Variants in SYT11 observed in about 807,000 individuals in gnomAD.
SYT11 encodes synaptotagmin 11, also known as synaptotagmin-11.
A neutral mutation model predicts 30.4 loss-of-function variants in SYT11; 12 were observed. The ratio of observed to expected loss-of-function variants is 0.39; its 90% CI spans 0.25 to 0.64. The LOEUF (loss-of-function observed/expected upper bound fraction) is 0.64. SYT11 is among the 30% of genes least tolerant of loss of function. SYT11 has a pLI of 0.45. For missense variants in SYT11, 412 were observed against 552.0 expected (o/e 0.75, Z 2.54); for synonymous variants, 204 against 216.0 (o/e 0.94, Z 0.49).
intron 1 of SYT11, 49 bp from the exon 2 acceptor site, chr1:155,867,916 A>AG (rs779108256): frequency 7.1e-7 from 1 of 1,401,550 alleles, no homozygotes; most frequent in Non-Finnish European, 9.8e-7. Context: ...AGATCTAGAC[A>AG]GGAGGTGAAG....
At chr1:155,880,814 T>C (rs886795018) in intron 3 of SYT11, among the ~76,000 whole-genome samples, 191 bp downstream of exon 3, 8 of 152,196 alleles carry the variant, frequency 5.3e-5, no homozygotes, top group Non-Finnish European at 8.8e-5. Flanking sequence ...GATTCTTCAG[T>C]TGAACAAATG....
At chr1:155,867,221 C>CTAATTTTTTATATTTTTAGTAGAGA (rs1672696719) in intron 1 of SYT11, among the ~76,000 whole-genome samples, 1 of 152,072 alleles carries the variant, frequency 6.6e-6, no homozygotes, top group African/African-American at 2.4e-5. Flanking sequence ...CCACGCCCAG[C>CTAATTTTTTATATTTTTAGTAGAGA]TAATTTTTTA....
intron 2 of SYT11, among the ~76,000 whole-genome samples, chr1:155,880,191 C>CA (rs1174106526): frequency 4.0e-5 from 6 of 150,290 alleles, no homozygotes; most frequent in East Asian, 3.9e-4. Flanking sequence ...GAACCTGTCT[C>CA]AAAAAAAAAG....
intron 2 of SYT11, among the ~76,000 whole-genome samples, chr1:155,869,904 C>T (rs1672754716): frequency 6.6e-6 from 1 of 152,222 alleles, no homozygotes. Flanking sequence ...CACGACTTTA[C>T]TCTCCAGCTT....
chr1:155,880,148 C>T (rs1281922059), intron 2 of SYT11, among the ~76,000 whole-genome samples: 2 of 152,014 alleles, frequency 1.3e-5, no homozygotes, highest in South Asian at 2.1e-4. Flanking sequence ...GCCAAGATCA[C>T]GTCACTGAAT....
chr1:155,879,737 C>G (rs1165413554), intron 2 of SYT11, among the ~76,000 whole-genome samples: 1 of 152,244 alleles, frequency 6.6e-6, no homozygotes, highest in Non-Finnish European at 1.5e-5. Context: ...AGAGGATGCA[C>G]TTCTATAGTG....
chr1:155,872,457 C>T (rs770273427), intron 2 of SYT11, among the ~76,000 whole-genome samples: 4 of 152,192 alleles, frequency 2.6e-5, no homozygotes, highest in Non-Finnish European at 4.4e-5. Flanking sequence ...CTATCCCTTG[C>T]CTAAGTATTA....
rs556002077 is a variant in SYT11 at position 155,881,164 on chromosome 1, G to A, written c.986-34G>A. The A allele has an allele frequency of 2.3e-5, 36 of 1,590,166 alleles. No individual in the cohort carries two copies. In the African/African-American group the frequency reaches 4.3e-4, roughly 19 times the overall value. Reference sequence around the variant, plus strand: ...TAGGAGAGGACTGTGTCATAGGTCTGTCTCCCTTTTTCTTATCTCTTTGGG... The same window carrying A: ...TAGGAGAGGACTGTGTCATAGGTCTATCTCCCTTTTTCTTATCTCTTTGGG... On this transcript the variant is annotated intron_variant, in intron 3 of 3. Coordinates refer to ENST00000368324, the MANE Select transcript of SYT11 (RefSeq NM_152280.5).
At chr1:155,876,964 C>CTTT in intron 2 of SYT11, among the ~76,000 whole-genome samples, 1 of 117,022 alleles carries the variant, frequency 8.5e-6, no homozygotes, top group Non-Finnish European at 1.8e-5. Context: ...TTTTCTATTT[C>CTTT]TTTTTTTTTT....
At chr1:155,870,408 T>C (rs1430503119) in intron 2 of SYT11, among the ~76,000 whole-genome samples, 2 of 152,224 alleles carry the variant, frequency 1.3e-5, no homozygotes, top group African/African-American at 2.4e-5. Context: ...TAGTCAAGTT[T>C]GATACCTGGG....
intron 2 of SYT11, among the ~76,000 whole-genome samples, chr1:155,879,136 G>A (rs1672920374): frequency 6.6e-6 from 1 of 152,114 alleles, no homozygotes; most frequent in Non-Finnish European, 1.5e-5. Flanking sequence ...TCTTGGAGGG[G>A]CCAGGCACGG....
At chr1:155,863,095 C>T (rs958128656) in intron 1 of SYT11, among the ~76,000 whole-genome samples, 4 of 152,086 alleles carry the variant, frequency 2.6e-5, no homozygotes, top group African/African-American at 7.2e-5. Context: ...TATTATTATT[C>T]GGTATGGATA....
At position 155,881,510 on chromosome 1, in the gene SYT11, C is replaced by A; in HGVS notation, c.*2C>A. The A allele has an allele frequency of 6.3e-7, 1 of 1,590,212 alleles. No homozygotes were observed. The highest frequency in any genetic ancestry group is 8.6e-7 in the Non-Finnish European group (1 of 1,163,620). ...TGGCACAGTCTGAGCGAGTACTAAT[C>A]CTGTTCTTCTCTCCTCTAATCCCCG... On this transcript the variant is annotated 3_prime_UTR_variant, in exon 4 of 4. Transcript: ENST00000368324.
chr1:155,876,120 G>T (rs1445701593), intron 2 of SYT11, among the ~76,000 whole-genome samples: 1 of 151,626 alleles, frequency 6.6e-6, no homozygotes, highest in Non-Finnish European at 1.5e-5. Context: ...AATTCCTGGA[G>T]TAGATGACAT....
At chr1:155,877,723 T>C (rs1053724604) in intron 2 of SYT11, among the ~76,000 whole-genome samples, 8 of 151,740 alleles carry the variant, frequency 5.3e-5, no homozygotes, top group Non-Finnish European at 1.2e-4. Flanking sequence ...CCGGCTAATT[T>C]TTTTGTATTT....
chr1:155,881,335 A>G lies in SYT11; in HGVS notation c.1123A>G (p.Ile375Val), dbSNP rs1181581688. 2 of 1,614,162 alleles carry G rather than the reference A, an allele frequency of 1.2e-6. No homozygotes were observed. The highest frequency in any genetic ancestry group is 2.2e-5 in the East Asian group (1 of 44,888). ...YDIPTDLLPDISIEFLVIDFD... is the reference protein window; with the variant it reads ...YDIPTDLLPDVSIEFLVIDFD... ...CATCCCCACTGACCTCCTGCCTGAT[A>G]TCAGCATCGAGTTCCTCGTTATCGA... The change falls in exon 4 of 4, where the codon ATC (isoleucine) becomes GTC (valine). Residue 375 changes from isoleucine (I) to valine (V), a missense_variant. Coordinates refer to ENST00000368324, the MANE Select transcript of SYT11 (RefSeq NM_152280.5).
At chr1:155,873,194 G>A (rs1256964533) in intron 2 of SYT11, among the ~76,000 whole-genome samples, 17 of 152,132 alleles carry the variant, frequency 1.1e-4, no homozygotes, top group Non-Finnish European at 1.9e-4. Flanking sequence ...TTGGGAGGCC[G>A]AGGCAGGCGG....
In SYT11 at chr1:155,868,852, A is replaced by G; in HGVS notation, c.861+61A>G. 1 of 1,501,916 alleles carries G rather than the reference A, an allele frequency of 6.7e-7. No individual in the cohort carries two copies. Among genetic ancestry groups the G allele is most frequent in the African/African-American group, 1.4e-5 (1 of 73,090 alleles). 93.0% of individuals were successfully genotyped at this position (1,501,916 alleles called of 1,614,324 possible). A position where few individuals can be genotyped will look rare whatever the true frequency, so the allele number is the denominator to read the frequency against. ...GTTGGGGGAGAAAATATCTCAGGGG[A>G]TAAATGGAAGTGGGAGGGGAGTGGG... On this transcript the variant is annotated intron_variant, in intron 2 of 3. Transcript: ENST00000368324. The surrounding 1 kb of genome is among the most constrained non-coding windows in gnomAD (Gnocchi z 4.7).
intron 1 of SYT11, among the ~76,000 whole-genome samples, chr1:155,863,021 C>T (rs999555220): frequency 6.6e-6 from 1 of 152,232 alleles, no homozygotes; most frequent in African/African-American, 2.4e-5. Context: ...ACTACCAAGG[C>T]TGTCTCCATT....
Sources: allele counts gnomAD v4.1 joint callset (sites outside exome capture counted in the v4.1 genomes callset), GRCh38; gene constraint gnomAD v4.1.1; non-coding constraint Gnocchi (gnomAD v3.1); transcripts MANE v1.5; gene names NCBI Gene and HGNC (gene_info 2026-07-23, HGNC 2026-07-21).